Variants in FHOD3 observed in about 807,000 individuals in gnomAD.
The protein encoded by FHOD3 is FH1/FH2 domain-containing protein 3.
Under a neutral mutation model 173.0 loss-of-function variants are expected in FHOD3, and 90 were observed. The observed-to-expected ratio is 0.52, with a 90% confidence interval of 0.44 to 0.62. FHOD3 has a LOEUF of 0.62. FHOD3 is among the 20% of genes least tolerant of loss of function. FHOD3 has a pLI of 0.00. For missense variants in FHOD3, 1,945 were observed against 2,034.7 expected, an observed-to-expected ratio of 0.96 and a Z score of 0.85; for synonymous variants, 828 against 823.0, an observed-to-expected ratio of 1.01 and a Z score of -0.10.
intron 3 of FHOD3, among the ~76,000 whole-genome samples, chr18:36,409,648 T>G (rs1218401887): frequency 6.7e-6 from 1 of 148,482 alleles, no homozygotes; most frequent in Non-Finnish European, 1.5e-5. Flanking sequence ...CAATAAATGT[T>G]TAGTGAATGA....
At chr18:36,681,705 G>GA (rs2038253617) in intron 15 of FHOD3, 135 bp downstream of exon 15, 1 of 1,113,012 alleles carries the variant, frequency 9.0e-7, no homozygotes. Context: ...GGAAGAGAAA[G>GA]ACATACCTGA....
chr18:36,542,252 C>A (rs1284334986), intron 5 of FHOD3, among the ~76,000 whole-genome samples: 2 of 152,074 alleles, frequency 1.3e-5, no homozygotes, highest in Non-Finnish European at 1.5e-5. Flanking sequence ...GAAGCATCAC[C>A]CATCATGATG....
At position 36,661,191 on chromosome 18, in the gene FHOD3, T is replaced by C. The variant is rs146884693; in HGVS notation, c.1835+3003T>C. On this transcript the variant is annotated intron_variant, in intron 14 of 28. Coordinates refer to ENST00000590592, the MANE Select transcript of FHOD3 (RefSeq NM_001281740.3). The stretch of plus-strand genomic sequence containing the variant: ...CTTGTGCACCATCGCCCAAGAATAT[T>C]ACATCAGTTGCACTTATGATAATAG... Among the ~76,000 whole-genome samples, 106 of 152,342 alleles carry C rather than the reference T, an allele frequency of 7.0e-4. No individual in the cohort carries two copies. In the Middle Eastern group the frequency reaches 0.014, roughly 20 times the overall value.
intron 3 of FHOD3, among the ~76,000 whole-genome samples, chr18:36,377,118 T>G (rs905651740): frequency 6.6e-6 from 1 of 152,188 alleles, no homozygotes; most frequent in Non-Finnish European, 1.5e-5. Context: ...TAGGGGTCCC[T>G]GGGCTTCTGT....
At chr18:36,375,701 A>T (rs2047407395) in intron 3 of FHOD3, among the ~76,000 whole-genome samples, 1 of 152,162 alleles carries the variant, frequency 6.6e-6, no homozygotes, top group Non-Finnish European at 1.5e-5. Flanking sequence ...CCCTCACGAA[A>T]AATGAAGGCC....
chr18:36,590,407 C>T (rs1008514124), intron 6 of FHOD3, among the ~76,000 whole-genome samples: 1 of 151,814 alleles, frequency 6.6e-6, no homozygotes, highest in African/African-American at 2.4e-5. Context: ...TGGAATGTAC[C>T]TTTTTTACTT....
intron 3 of FHOD3, among the ~76,000 whole-genome samples, chr18:36,385,341 T>C: frequency 6.6e-6 from 1 of 152,174 alleles, no homozygotes; most frequent in Non-Finnish European, 1.5e-5. Context: ...ATCCCACAAT[T>C]CCTGCTTAGC....
At chr18:36,732,909 T>C (rs908833890) in intron 20 of FHOD3, among the ~76,000 whole-genome samples, 22 of 152,212 alleles carry the variant, frequency 1.4e-4, no homozygotes, top group Non-Finnish European at 1.5e-5. Context: ...ATATTTTGTC[T>C]GTCAGTGCGG....
At chr18:36,553,379 G>A (rs975579362) in intron 5 of FHOD3, among the ~76,000 whole-genome samples, 4 of 152,198 alleles carry the variant, frequency 2.6e-5, no homozygotes, top group Non-Finnish European at 5.9e-5. Flanking sequence ...GATTGGAATA[G>A]TTTCAGAAGG....
chr18:36,299,050 A>AT (rs1349120978), intron 1 of FHOD3, among the ~76,000 whole-genome samples: 2 of 132,068 alleles, frequency 1.5e-5, no homozygotes, highest in Non-Finnish European at 3.4e-5. Flanking sequence ...AACAAAATTG[A>AT]TTTAAAAAAA....
intron 17 of FHOD3, among the ~76,000 whole-genome samples, chr18:36,702,873 T>TCTC (rs10661316): frequency 0.52 from 79,654 of 151,752 alleles, 21,083 homozygotes; most frequent in South Asian, 0.56. Flanking sequence ...ATTATGTACT[T>TCTC]CTTGATTGCT....
At chr18:36,738,502 G>T (rs2041750333) in intron 20 of FHOD3, among the ~76,000 whole-genome samples, 2 of 152,160 alleles carry the variant, frequency 1.3e-5, no homozygotes, top group African/African-American at 2.4e-5. Flanking sequence ...TCATGTCTAA[G>T]AATTTTTTGC....
In FHOD3 at chr18:36,758,978, A is replaced by C. The variant is rs545739669; in HGVS notation, c.4426-140A>C. 3.3e-5 allele frequency: 29 copies of C among 884,866 alleles called. 1 individual carries two copies. Among genetic ancestry groups the C allele is most frequent in the Middle Eastern group, 4.3e-4 (2 of 4,640 alleles). The allele number at this position is 884,866 out of a possible 1,614,324, so 54.8% of individuals were successfully genotyped here. On this transcript the variant is annotated intron_variant, in intron 25 of 28. Transcript: ENST00000590592. The stretch of plus-strand genomic sequence containing the variant: ...GGGGCCTGGCAGCTCCCAACTCAAG[A>C]GGATGTATCCTGGTTGTGGTGACCA...
At chr18:36,350,780 A>G (rs2145676261) in intron 1 of FHOD3, among the ~76,000 whole-genome samples, 1 of 152,280 alleles carries the variant, frequency 6.6e-6, no homozygotes, top group African/African-American at 2.4e-5. Context: ...ACTGGATTTG[A>G]ATTAATCACC....
intron 8 of FHOD3, among the ~76,000 whole-genome samples, chr18:36,603,202 A>G (rs1209310547): frequency 6.6e-6 from 1 of 152,178 alleles, no homozygotes; most frequent in Non-Finnish European, 1.5e-5. Context: ...GTACTTTCTT[A>G]TAGTAGCCAT....
At chr18:36,763,253 T>C (rs2042981485) in intron 27 of FHOD3, among the ~76,000 whole-genome samples, 1 of 146,728 alleles carries the variant, frequency 6.8e-6, no homozygotes, top group Non-Finnish European at 1.5e-5. Context: ...ATACACGTTA[T>C]ATACAATATG....
chr18:36,552,989 T>G (rs1461883024), intron 5 of FHOD3, among the ~76,000 whole-genome samples: 1 of 152,200 alleles, frequency 6.6e-6, no homozygotes, highest in Non-Finnish European at 1.5e-5. Flanking sequence ...TTGAGATATG[T>G]CCCATCAATA....
intron 2 of FHOD3, among the ~76,000 whole-genome samples, chr18:36,369,348 C>G (rs1020674605): frequency 8.6e-5 from 13 of 151,792 alleles, no homozygotes; most frequent in Non-Finnish European, 1.6e-4. Context: ...TCCAATATGT[C>G]AGTTTTAACT....
intron 13 of FHOD3, among the ~76,000 whole-genome samples, chr18:36,653,852 G>A (rs780933819): frequency 2.0e-5 from 3 of 152,180 alleles, no homozygotes; most frequent in Non-Finnish European, 4.4e-5. Context: ...GCCACATCCT[G>A]TATTTTCCAT....
Sources: gnomAD v4.1 joint callset for allele counts (sites outside exome capture counted in the v4.1 genomes callset) on GRCh38, gnomAD v4.1.1 for gene constraint, MANE v1.5 for transcripts, NCBI Gene and HGNC (gene_info 2026-07-23, HGNC 2026-07-21) for gene names.